The following DNAH8 variants were observed in gnomAD, a reference collection of about 807,000 sequenced individuals.
DNAH8 encodes the protein dynein axonemal heavy chain 8, also known as axonemal beta dynein heavy chain 8.
A neutral mutation model predicts 562.1 loss-of-function variants in DNAH8; 382 were observed. The ratio of observed to expected loss-of-function variants is 0.68; its 90% CI spans 0.63 to 0.74. DNAH8 has a LOEUF of 0.74. DNAH8 is among the 30% of genes least tolerant of loss of function. DNAH8 has a pLI of 0.00. For synonymous variants in DNAH8, 1,881 were observed against 1,919.4 expected, an observed-to-expected ratio of 0.98 and a Z score of 0.52; for missense variants, 5,203 against 5,620.4, an observed-to-expected ratio of 0.93 and a Z score of 2.37.
At chr6:38,923,036 C>A in intron 71 of DNAH8, 22 bp from the exon 72 acceptor site, 1 of 1,599,312 alleles carries the variant, frequency 6.3e-7, no homozygotes, top group Non-Finnish European at 8.5e-7. Context: ...TTTTTTGAGA[C>A]ATTCTCCCAT....
intron 17 of DNAH8, among the ~76,000 whole-genome samples, chr6:38,784,907 G>A (rs1299082249): frequency 6.6e-6 from 1 of 152,144 alleles, no homozygotes; most frequent in East Asian, 1.9e-4. Context: ...ATGCTTGGGG[G>A]CTCTTAAAAT....
chr6:38,810,314 A>T (rs1407052519), intron 24 of DNAH8, among the ~76,000 whole-genome samples: 3 of 152,160 alleles, frequency 2.0e-5, no homozygotes, highest in Non-Finnish European at 2.9e-5. Flanking sequence ...AGTACTGGCC[A>T]GGCGCAGTGG....
rs1583301950 is a variant in DNAH8, at chr6:38,898,326, AGGAACATCTCTT to A, written c.9011_9022del (p.Gly3004_Leu3007del). 1 of 1,589,864 alleles carries A rather than the reference AGGAACATCTCTT, an allele frequency of 6.3e-7. No individual in the cohort carries two copies. The highest frequency in any genetic ancestry group is 1.7e-4 in the Middle Eastern group (1 of 6,024). ...AGAGACAGTTCAATGAAATCATTAGAGGAACATCTCTTGATCTGGTGTTTTTTAAAGATGCAA... is the reference window on the plus strand; with the variant it reads ...AGAGACAGTTCAATGAAATCATTAGAGATCTGGTGTTTTTTAAAGATGCAA... On this transcript the variant is annotated inframe_deletion, in exon 61 of 93. Coordinates refer to ENST00000327475, the MANE Select transcript of DNAH8 (RefSeq NM_001206927.2).
intron 47 of DNAH8, 113 bp from the exon 48 acceptor site, chr6:38,867,949 C>G: frequency 9.1e-7 from 1 of 1,098,354 alleles, no homozygotes; most frequent in East Asian, 2.5e-5. Flanking sequence ...GCTTAGTCAC[C>G]CCAAAACTAT....
At position 38,761,822 on chromosome 6, in the gene DNAH8, A is replaced by T. The variant is rs571481051; in HGVS notation, c.1617+19A>T. 4 of 1,407,884 alleles carry T rather than the reference A, an allele frequency of 2.8e-6. No homozygotes were observed. In the African/African-American group the frequency reaches 4.5e-5, roughly 16 times the overall value. 87.2% of individuals were successfully genotyped at this position (1,407,884 alleles called of 1,614,324 possible). ...AATTCAGGTTTGTAGAAGTACTTTT[A>T]TTTTCATAAACTAAATCTTTTCCCA... On this transcript the variant is annotated intron_variant, in intron 11 of 92. Coordinates refer to ENST00000327475, the MANE Select transcript of DNAH8 (RefSeq NM_001206927.2).
rs1338809496 is a variant in DNAH8 at position 38,899,988 on chromosome 6, A to C, written c.9194+82A>C. The stretch of plus-strand genomic sequence containing the variant: ...TGTTTAGAAAAAAAGGAAGCACAAC[A>C]GTTTCCTGTATTTCTTTTTAAGGTA... On this transcript the variant is annotated intron_variant, in intron 62 of 92. Coordinates refer to ENST00000327475, the MANE Select transcript of DNAH8 (RefSeq NM_001206927.2). 7 of 1,207,310 alleles carry C rather than the reference A, an allele frequency of 5.8e-6. No individual in the cohort carries two copies. The East Asian group carries it at 1.7e-4, about 28-fold the overall frequency. The allele number at this position is 1,207,310 out of a possible 1,614,324, so 74.8% of individuals were successfully genotyped here.
intron 30 of DNAH8, among the ~76,000 whole-genome samples, chr6:38,831,196 G>A (rs1773801889): frequency 6.6e-6 from 1 of 151,986 alleles, no homozygotes; most frequent in South Asian, 2.1e-4. Flanking sequence ...AGGCTGAGAT[G>A]GGTGGATCAC....
intron 7 of DNAH8, among the ~76,000 whole-genome samples, chr6:38,738,310 A>G (rs116704102): frequency 1.1e-4 from 16 of 152,318 alleles, no homozygotes; most frequent in African/African-American, 3.6e-4. Context: ...GACACAGTGA[A>G]GAGCCAGAGT....
chr6:38,890,674 T>C lies in DNAH8; in HGVS notation c.8496T>C (p.Phe2832=). 6.2e-7 allele frequency: 1 copy of C among 1,613,238 alleles called. No individual in the cohort carries two copies. The highest frequency in any genetic ancestry group is 2.2e-5 in the East Asian group (1 of 44,848). Residue 2832 remains phenylalanine (F), a synonymous_variant, in exon 58 of 93, where the codon TTT becomes TTC. Coordinates refer to ENST00000327475, the MANE Select transcript of DNAH8 (RefSeq NM_001206927.2). Reference sequence around the variant, plus strand: ...CAGGAATTATTGGATGTGGATACTTTGATCCTTGTAGAAGTTTCAAGCCTC... The same window carrying C: ...CAGGAATTATTGGATGTGGATACTTCGATCCTTGTAGAAGTTTCAAGCCTC... ...KIFGIIGCGY[F]DPCRSFKPQI...
chr6:38,981,505 G>T (rs1011554826), intron 85 of DNAH8, among the ~76,000 whole-genome samples: 1 of 152,200 alleles, frequency 6.6e-6, no homozygotes, highest in Non-Finnish European at 1.5e-5. Context: ...GGAAACAAAT[G>T]AGGGTCATGT....
intron 71 of DNAH8, 152 bp from the exon 72 acceptor site, chr6:38,922,906 A>G (rs896994695): frequency 2.8e-6 from 2 of 723,746 alleles, no homozygotes; most frequent in African/African-American, 3.6e-5. Context: ...TCAAAATTTA[A>G]TATGTGAAGT....
In DNAH8 at chr6:38,776,131, AT is replaced by A. The variant is rs557347875; in HGVS notation, c.1962+189del. Among the ~76,000 whole-genome samples, 1,198 of 151,370 alleles carry A rather than the reference AT, an allele frequency of 7.9e-3. 15 individuals carry two copies. Among genetic ancestry groups the A allele is most frequent in the African/African-American group, 0.027 (1,129 of 41,280 alleles). On this transcript the variant is annotated intron_variant, in intron 13 of 92. Transcript: ENST00000327475. ...AACTTTTAAACTACTCCACTAAAGG[AT>A]TTTTTTTTGAATGAATAGTGAGCAT...
chr6:38,806,743 T>C (rs2150304861), intron 23 of DNAH8, among the ~76,000 whole-genome samples: 1 of 151,844 alleles, frequency 6.6e-6, no homozygotes, highest in African/African-American at 2.4e-5. Flanking sequence ...ATCGCGCCAC[T>C]GCACTCCAGC....
chr6:38,810,648 A>G (rs376248907), intron 24 of DNAH8, among the ~76,000 whole-genome samples: 56 of 152,040 alleles, frequency 3.7e-4, no homozygotes, highest in African/African-American at 1.1e-3. Flanking sequence ...TTCTAGTCTT[A>G]TTTCTGACTA....
chr6:38,939,971 G>GT (rs1409297185), intron 79 of DNAH8, among the ~76,000 whole-genome samples: 1 of 152,142 alleles, frequency 6.6e-6, no homozygotes, highest in Non-Finnish European at 1.5e-5. Flanking sequence ...GAAATGAAAG[G>GT]TGGATATGGA....
chr6:39,007,349 A>C (rs1765860736), intron 88 of DNAH8, among the ~76,000 whole-genome samples: 1 of 152,256 alleles, frequency 6.6e-6, no homozygotes, highest in South Asian at 2.1e-4. Flanking sequence ...TAAAACAGAA[A>C]AACAAGCCAC....
At chr6:38,902,184 C>T (rs986174864) in intron 62 of DNAH8, among the ~76,000 whole-genome samples, 3 of 152,134 alleles carry the variant, frequency 2.0e-5, no homozygotes, top group South Asian at 2.1e-4. Flanking sequence ...ATTCTTGATA[C>T]CCTGGCATCT....
rs1177157003 is a variant in DNAH8, at chr6:38,976,929, A to G, written c.12834+2400A>G. The stretch of plus-strand genomic sequence containing the variant: ...GGGTTCATGCTGGAGTTCATCCCAC[A>G]TTACAATGCAGAACCCAGGAGTAAA... On this transcript the variant is annotated intron_variant, in intron 85 of 92. Transcript: ENST00000327475. Among the ~76,000 whole-genome samples the G allele has an allele frequency of 3.3e-5, 5 of 152,196 alleles. 1 individual carries two copies. The highest frequency in any genetic ancestry group is 1.2e-4 in the African/African-American group (5 of 41,456).
At chr6:38,908,613 C>T (rs1356080359) in intron 64 of DNAH8, among the ~76,000 whole-genome samples, 2 of 152,174 alleles carry the variant, frequency 1.3e-5, no homozygotes, top group Non-Finnish European at 1.5e-5. Context: ...AGTGCAGTGG[C>T]ATGATCATGG....
Sources: gnomAD v4.1 joint callset for allele counts (sites outside exome capture counted in the v4.1 genomes callset) on GRCh38, gnomAD v4.1.1 for gene constraint, MANE v1.5 for transcripts, NCBI Gene and HGNC (gene_info 2026-07-23, HGNC 2026-07-21) for gene names.